NRG1: variants seen among roughly 807,000 people sequenced by gnomAD.
NRG1 encodes neuregulin 1, also known as pro-neuregulin-1, membrane-bound isoform.
Under a neutral mutation model 63.8 loss-of-function variants are expected in NRG1, and 18 were observed. That is an observed-to-expected ratio of 0.28 (90% CI 0.19 to 0.42). The LOEUF (loss-of-function observed/expected upper bound fraction) is 0.42, where lower values mean the gene tolerates loss of function less well. Ranked by LOEUF, NRG1 falls within the 10% of genes least tolerant of loss-of-function variation. The pLI is 1.00. For missense variants in NRG1, 762 were observed against 814.7 expected, an observed-to-expected ratio of 0.94 and a Z score of 0.79; for synonymous variants, 302 against 301.3, an observed-to-expected ratio of 1.00 and a Z score of -0.02.
In NRG1 at chr8:31,694,080, G is replaced by A. The variant is rs182937111; in HGVS notation, c.37+54649G>A. Among the ~76,000 whole-genome samples, 11 of 152,192 alleles carry A rather than the reference G, an allele frequency of 7.2e-5. 1 individual carries two copies. Among genetic ancestry groups the A allele is most frequent in the African/African-American group, 2.4e-4 (10 of 41,540 alleles). On this transcript the variant is annotated intron_variant, in intron 1 of 10. Transcript: ENST00000519301. ...CTGGTCTCGAACTCCTGAGCTCAAGGGACCCACCCACCTCAGCCTCCTAAA... is the reference window on the plus strand; with the variant it reads ...CTGGTCTCGAACTCCTGAGCTCAAGAGACCCACCCACCTCAGCCTCCTAAA...
At chr8:32,191,005 A>G (rs530849267) in intron 1 of NRG1, among the ~76,000 whole-genome samples, 2 of 152,194 alleles carry the variant, frequency 1.3e-5, no homozygotes, top group South Asian at 4.1e-4. Flanking sequence ...CCAGTTGGAG[A>G]CAATACTTCT....
intron 1 of NRG1, among the ~76,000 whole-genome samples, chr8:32,338,532 A>C (rs373547154): frequency 7.9e-5 from 12 of 152,160 alleles, no homozygotes; most frequent in African/African-American, 2.9e-4. Flanking sequence ...AAAAACAAGC[A>C]GTCAAGTGAG....
At chr8:32,770,182 C>T (rs1257934856), downstream of NRG1, among the ~76,000 whole-genome samples, 5 of 152,106 alleles carry the variant, frequency 3.3e-5, no homozygotes, top group Admixed American at 3.3e-4. Context: ...TCTTTAATGG[C>T]TTATGTATAG....
intron 1 of NRG1, among the ~76,000 whole-genome samples, chr8:31,689,367 G>C (rs1207913110): frequency 6.6e-6 from 1 of 152,190 alleles, no homozygotes; most frequent in Non-Finnish European, 1.5e-5. Flanking sequence ...CCAGGTAAAT[G>C]AGAGAAGAGA....
chr8:32,595,736 T>C, intron 1 of NRG1, 92 bp from the exon 2 acceptor site: 1 of 1,152,364 alleles, frequency 8.7e-7, no homozygotes, highest in Non-Finnish European at 1.2e-6. Flanking sequence ...TTTGGAATGG[T>C]GCCTTGATCA....
At chr8:32,155,760 C>T (rs1837993555) in intron 1 of NRG1, among the ~76,000 whole-genome samples, 1 of 152,172 alleles carries the variant, frequency 6.6e-6, no homozygotes, top group Non-Finnish European at 1.5e-5. Flanking sequence ...TCTAATATCT[C>T]CTATCTCAAT....
chr8:31,850,438 C>A (rs184667011), intron 1 of NRG1, among the ~76,000 whole-genome samples: 1 of 152,252 alleles, frequency 6.6e-6, no homozygotes, highest in East Asian at 1.9e-4. Flanking sequence ...GTTATGTGAC[C>A]TGAGGGTCCA....
In NRG1 at chr8:32,447,258, C is replaced by T. The variant is rs28522764; in HGVS notation, c.38-148570C>T. ...CAGGCTGGTCTTGAACTCCTGACCTCGTGATCCACCTGCATCGGCCTCCCA... is the reference window on the plus strand; with the variant it reads ...CAGGCTGGTCTTGAACTCCTGACCTTGTGATCCACCTGCATCGGCCTCCCA... On this transcript the variant is annotated intron_variant, in intron 1 of 10. Coordinates refer to the NRG1 transcript ENST00000519301. 5.1e-3 allele frequency among the ~76,000 whole-genome samples: 776 copies of T among 151,906 alleles called. 4 individuals carry two copies. The highest frequency in any genetic ancestry group is 0.017 in the African/African-American group (723 of 41,420).
intron 1 of NRG1, among the ~76,000 whole-genome samples, chr8:32,042,960 C>CTGTGTGTGTGTGTGTG (rs1820312328): frequency 2.0e-4 from 2 of 10,042 alleles, no homozygotes; most frequent in South Asian, 9.5e-3. Context: ...AGAAAGAGTG[C>CTGTGTGTGTGTGTGTG]AGTGTGTGTG....
At chr8:31,813,519 T>TTCTTTTCTTTTCTTTTC (rs778228643) in intron 1 of NRG1, among the ~76,000 whole-genome samples, 22 of 116,148 alleles carry the variant, frequency 1.9e-4, no homozygotes, top group Non-Finnish European at 3.5e-4. Flanking sequence ...TTCTTTTCTT[T>TTCTTTTCTTTTCTTTTC]TTTTTTTTTT....
intron 1 of NRG1, among the ~76,000 whole-genome samples, chr8:32,032,715 T>G (rs982762464): frequency 1.3e-5 from 2 of 152,198 alleles, no homozygotes; most frequent in Admixed American, 1.3e-4. Context: ...TTTCTCCCAC[T>G]GTGTAGGTTA....
intron 1 of NRG1, among the ~76,000 whole-genome samples, chr8:31,692,124 A>G (rs1410485871): frequency 6.6e-6 from 1 of 152,204 alleles, no homozygotes; most frequent in Non-Finnish European, 1.5e-5. Flanking sequence ...TGAGCCACCC[A>G]TGCTTGACCA....
chr8:32,094,085 G>C (rs1379015898), intron 1 of NRG1, among the ~76,000 whole-genome samples: 2 of 152,178 alleles, frequency 1.3e-5, no homozygotes, highest in Non-Finnish European at 2.9e-5. Flanking sequence ...TTTGGATTTG[G>C]TTCTGATATA....
chr8:32,420,504 G>C lies in NRG1; in HGVS notation c.38-175324G>C, dbSNP rs1272401874. On this transcript the variant is annotated intron_variant, in intron 1 of 10. Coordinates refer to the NRG1 transcript ENST00000519301. ...TATCCTTTAGTTTCTGTCACTTGAT[G>C]ATGGGTGACCACCCTCATCTCTCTC... is the stretch of plus-strand genomic sequence containing the variant. Among the ~76,000 whole-genome samples, 4 of 150,798 alleles carry C rather than the reference G, an allele frequency of 2.7e-5. No individual in the cohort carries two copies. The East Asian group carries it at 5.9e-4, about 22-fold the overall frequency.
chr8:32,405,061 C>A (rs1563417376), intron 1 of NRG1, among the ~76,000 whole-genome samples: 1 of 152,132 alleles, frequency 6.6e-6, no homozygotes, highest in South Asian at 2.1e-4. Context: ...GCAGTGATTA[C>A]AAAGGAATGC....
At chr8:32,507,872 A>G (rs1260455805) in intron 1 of NRG1, among the ~76,000 whole-genome samples, 10 of 151,888 alleles carry the variant, frequency 6.6e-5, no homozygotes, top group Admixed American at 6.6e-4. Flanking sequence ...TAATTTTTGT[A>G]TTTTTAGTAG....
At chr8:32,217,250 G>C (rs1845342138) in intron 1 of NRG1, among the ~76,000 whole-genome samples, 2 of 146,640 alleles carry the variant, frequency 1.4e-5, no homozygotes, top group South Asian at 4.3e-4. Context: ...AAAAATACTT[G>C]GTGCACTTAT....
chr8:31,855,119 C>G (rs1188456780), intron 1 of NRG1, among the ~76,000 whole-genome samples: 1 of 151,930 alleles, frequency 6.6e-6, no homozygotes, highest in Non-Finnish European at 1.5e-5. Context: ...CTGTAGATGT[C>G]TATTAGGTCT....
At chr8:32,207,212 T>C (rs1844156138) in intron 1 of NRG1, among the ~76,000 whole-genome samples, 1 of 152,138 alleles carries the variant, frequency 6.6e-6, no homozygotes, top group Non-Finnish European at 1.5e-5. Flanking sequence ...TCAGGTAATT[T>C]TAAATGTCGC....
Sources: allele counts gnomAD v4.1 joint callset (sites outside exome capture counted in the v4.1 genomes callset), GRCh38; gene constraint gnomAD v4.1.1; transcripts MANE v1.5; gene names NCBI Gene and HGNC (gene_info 2026-07-23, HGNC 2026-07-21).